Variants in ZNF718 observed in about 807,000 individuals in gnomAD.
ZNF718 encodes zinc finger protein 718.
Under a neutral mutation model 2.6 loss-of-function variants are expected in ZNF718, and 3 were observed. The observed-to-expected ratio is 1.16, with a 90% CI of 0.53 to 3.01. The LOEUF (loss-of-function observed/expected upper bound fraction) is 3.01. ZNF718 is among the 30% of genes most tolerant of loss of function. The pLI, the probability that ZNF718 is intolerant of heterozygous loss-of-function variation, is 0.03. For synonymous variants in ZNF718, 135 were observed against 77.9 expected, an observed-to-expected ratio of 1.73 and a Z score of -3.86; for missense variants, 468 against 230.0, an observed-to-expected ratio of 2.03 and a Z score of -6.69.
At chr4:184,323 T>A (rs6837818) in intron 3 of ZNF718, among the ~76,000 whole-genome samples, 35,447 of 152,070 alleles carry the variant, frequency 0.23, 4,480 homozygotes, top group Non-Finnish European at 0.29. Flanking sequence ...TCGATTTGTG[T>A]ATGTTCAACC....
rs530561880 is a variant in ZNF718, at chr4:193,741, T to TA, written c.227-7339dup. ...CCTCCTGGTCCTCAATGGTCAAGCA[T>TA]ACCCGGGGCCCAGTGAGGGTGATGG... On this transcript the variant is annotated intron_variant and NMD_transcript_variant, in intron 3 of 4. Coordinates refer to the ZNF718 transcript ENST00000642529. Among the ~76,000 whole-genome samples the TA allele has an allele frequency of 2.1e-3, 313 of 152,168 alleles. 1 individual carries two copies. Among genetic ancestry groups the TA allele is most frequent in the African/African-American group, 7.2e-3 (299 of 41,502 alleles).
chr4:124,545 C>G lies in ZNF718; in HGVS notation c.-126C>G. The G allele has an allele frequency of 7.2e-7, 1 of 1,393,904 alleles. No individual in the cohort carries two copies. The highest frequency in any genetic ancestry group is 1.0e-6 in the Non-Finnish European group (1 of 998,038). The allele number at this position is 1,393,904 out of a possible 1,614,324, so 86.3% of individuals were successfully genotyped here. A position where few individuals can be genotyped will look rare whatever the true frequency, so the allele number is the denominator to read the frequency against. On this transcript the variant is annotated 5_prime_UTR_variant, in exon 1 of 4. It adds an upstream start codon to the 5' untranslated region. Coordinates refer to ENST00000510175, the MANE Select transcript of ZNF718 (RefSeq NM_001039127.6). ...AGCCAGAGCTCGGTTAGGGCCTCAT[C>G]GCTCTGCTCCCGCTCCTTAGGGAAG...
chr4:167,586 CT>C (rs1160304475), downstream of ZNF718, among the ~76,000 whole-genome samples: 1 of 152,008 alleles, frequency 6.6e-6, no homozygotes, highest in African/African-American at 2.4e-5. Flanking sequence ...AGTTTGATTC[CT>C]AGGTATTTTA....
rs980338795 is a variant in ZNF718 at position 163,602 on chromosome 4, T to A, written c.*1480T>A. On this transcript the variant is annotated 3_prime_UTR_variant, in exon 4 of 4. Coordinates refer to ENST00000510175, the MANE Select transcript of ZNF718 (RefSeq NM_001039127.6). Reference sequence around the variant, plus strand: ...AGAGTAATATTCTTCTGCATTATAGTGAGAGAAAAATCTTGAATTTTAGTA... The same window carrying A: ...AGAGTAATATTCTTCTGCATTATAGAGAGAGAAAAATCTTGAATTTTAGTA... The A allele has an allele frequency of 1.3e-5, 2 of 152,150 alleles. No individual in the cohort carries two copies. Among genetic ancestry groups the A allele is most frequent in the African/African-American group, 4.8e-5 (2 of 41,446 alleles). The allele number at this position is 152,150 out of a possible 1,614,324, so 9.4% of individuals were successfully genotyped here.
chr4:187,174 C>A (rs955791637), intron 3 of ZNF718, among the ~76,000 whole-genome samples: 2 of 151,796 alleles, frequency 1.3e-5, no homozygotes, highest in South Asian at 4.2e-4. Context: ...TGCTGGGGGT[C>A]CACTCCAGGC....
At chr4:125,798 C>T (rs1374830064) in intron 1 of ZNF718, among the ~76,000 whole-genome samples, 1 of 152,246 alleles carries the variant, frequency 6.6e-6, no homozygotes. Flanking sequence ...CACGGCCACA[C>T]CTGGCCTAAG....
chr4:155,212 A>C (rs1553813426), intron 3 of ZNF718, among the ~76,000 whole-genome samples: 1 of 152,192 alleles, frequency 6.6e-6, no homozygotes, highest in African/African-American at 2.4e-5. Flanking sequence ...CTGCTAGGGC[A>C]GTGCAGAAGG....
In ZNF718 at chr4:153,792, A is replaced by G. The variant is rs567105868; in HGVS notation, c.227-7120A>G. The stretch of plus-strand genomic sequence containing the variant: ...ATGGCTGAACAAATCTGTATACTGA[A>G]CAGAAATCTATATACTGACAAATCT... On this transcript the variant is annotated intron_variant, in intron 3 of 3. Coordinates refer to ENST00000510175, the MANE Select transcript of ZNF718 (RefSeq NM_001039127.6). 3.9e-5 allele frequency among the ~76,000 whole-genome samples: 6 copies of G among 152,326 alleles called. No individual in the cohort carries two copies. The South Asian group carries it at 1.2e-3, about 32-fold the overall frequency.
At chr4:172,069 A>G (rs1717248226) in intron 3 of ZNF718, among the ~76,000 whole-genome samples, 1 of 152,236 alleles carries the variant, frequency 6.6e-6, no homozygotes, top group African/African-American at 2.4e-5. Context: ...TCTATATTCT[A>G]TATTTATTGT....
intron 3 of ZNF718, among the ~76,000 whole-genome samples, chr4:139,278 G>A (rs61792254): frequency 0.062 from 9,363 of 152,162 alleles, 487 homozygotes; most frequent in Admixed American, 0.12. Flanking sequence ...TCTCTAATCC[G>A]TTTTGATTTA....
chr4:138,810 A>G (rs1254968123), intron 3 of ZNF718, among the ~76,000 whole-genome samples: 2 of 151,874 alleles, frequency 1.3e-5, no homozygotes, highest in Non-Finnish European at 2.9e-5. Flanking sequence ...TAATCACCTG[A>G]CTTTTGGATA....
chr4:171,280 C>G (rs1553817903), intron 3 of ZNF718, among the ~76,000 whole-genome samples: 8 of 152,160 alleles, frequency 5.3e-5, no homozygotes. Context: ...AGTTAGGCTA[C>G]TTGGGAGTCA....
intron 3 of ZNF718, among the ~76,000 whole-genome samples, chr4:181,158 CTTTT>C (rs782164295): frequency 3.9e-5 from 2 of 51,086 alleles, no homozygotes; most frequent in African/African-American, 7.3e-5. Context: ...CAGTGCCCAG[CTTTT>C]TTTTTTTTTT....
intron 3 of ZNF718, among the ~76,000 whole-genome samples, chr4:189,659 T>A (rs1311021290): frequency 2.0e-5 from 3 of 152,234 alleles, no homozygotes; most frequent in Admixed American, 2.0e-4. Context: ...CAGTACAGTG[T>A]TAAACAGAGT....
In ZNF718 at chr4:139,027, T is replaced by A. The variant is rs531750788; in HGVS notation, c.226+7522T>A. ...TGTGTGCCTTATGTATTCTTGTTAT[T>A]AATTCCTTATAGGCAGTTTCCAGAT... is the stretch of plus-strand genomic sequence containing the variant. On this transcript the variant is annotated intron_variant, in intron 3 of 3. Coordinates refer to ENST00000510175, the MANE Select transcript of ZNF718 (RefSeq NM_001039127.6). Among the ~76,000 whole-genome samples, 7 of 152,336 alleles carry A rather than the reference T, an allele frequency of 4.6e-5. No individual in the cohort carries two copies. The South Asian group carries it at 1.5e-3, about 32-fold the overall frequency.
At chr4:180,367 A>C (rs1717439917) in intron 3 of ZNF718, among the ~76,000 whole-genome samples, 1 of 152,252 alleles carries the variant, frequency 6.6e-6, no homozygotes, top group Non-Finnish European at 1.5e-5. Flanking sequence ...CAGAATGATC[A>C]GTCTAGAAAA....
intron 3 of ZNF718, among the ~76,000 whole-genome samples, chr4:146,792 G>C (rs1325419295): frequency 4.7e-5 from 7 of 150,148 alleles, no homozygotes; most frequent in African/African-American, 1.7e-4. Flanking sequence ...TTATATAGCT[G>C]AGTCTCCTGT....
At chr4:155,388 C>T (rs782816533) in intron 3 of ZNF718, among the ~76,000 whole-genome samples, 5 of 152,182 alleles carry the variant, frequency 3.3e-5, no homozygotes, top group Admixed American at 6.5e-5. Context: ...CCCATGAAAG[C>T]AGCCAGGAGA....
intron 3 of ZNF718, among the ~76,000 whole-genome samples, chr4:172,556 A>G (rs544428414): frequency 2.0e-5 from 3 of 152,348 alleles, no homozygotes; most frequent in Admixed American, 1.3e-4. Flanking sequence ...AGAAAGATAC[A>G]GAGCCACAGA....
Sources: gnomAD v4.1 joint callset for allele counts (sites outside exome capture counted in the v4.1 genomes callset) on GRCh38, gnomAD v4.1.1 for gene constraint, MANE v1.5 for transcripts, NCBI Gene and HGNC (gene_info 2026-07-23, HGNC 2026-07-21) for gene names.